Variants in HMCN1 observed in about 807,000 individuals in gnomAD.
HMCN1 encodes the protein hemicentin-1.
Under a neutral mutation model 625.9 loss-of-function variants are expected in HMCN1, and 321 were observed. The ratio of observed to expected loss-of-function variants is 0.51; its 90% CI spans 0.47 to 0.56. The LOEUF (loss-of-function observed/expected upper bound fraction) is 0.56, where lower values mean the gene tolerates loss of function less well. HMCN1 is among the 20% of genes least tolerant of loss of function. HMCN1 has a pLI of 0.00. For synonymous variants in HMCN1, 2,425 were observed against 2,417.6 expected (o/e 1.00, Z -0.09); for missense variants, 6,588 against 6,887.3 (o/e 0.96, Z 1.54).
At chr1:185,974,757 A>G (rs1217067727) in intron 15 of HMCN1, among the ~76,000 whole-genome samples, 1 of 152,036 alleles carries the variant, frequency 6.6e-6, no homozygotes, top group Admixed American at 6.6e-5. Flanking sequence ...TGGTATTCTC[A>G]TTTGCCTTGT....
At chr1:186,124,427 T>C (rs547473518) in intron 81 of HMCN1, among the ~76,000 whole-genome samples, 1 of 151,978 alleles carries the variant, frequency 6.6e-6, no homozygotes, top group Non-Finnish European at 1.5e-5. Context: ...AGAACTGAAT[T>C]AAATATACTA....
chr1:185,804,825 G>T (rs546065732), intron 1 of HMCN1, among the ~76,000 whole-genome samples: 4 of 152,062 alleles, frequency 2.6e-5, no homozygotes, highest in African/African-American at 9.6e-5. Context: ...CTAAATCCCT[G>T]CTCTTTAAAC....
chr1:185,995,816 A>C (rs1471766099), intron 24 of HMCN1, among the ~76,000 whole-genome samples: 2 of 152,144 alleles, frequency 1.3e-5, no homozygotes, highest in Non-Finnish European at 2.9e-5. Context: ...CGGCCACATG[A>C]AAATCAGGGG....
intron 68 of HMCN1, among the ~76,000 whole-genome samples, chr1:186,098,134 T>G (rs1660221248): frequency 6.6e-6 from 1 of 151,982 alleles, no homozygotes; most frequent in Non-Finnish European, 1.5e-5. Flanking sequence ...TTCATGATAT[T>G]GGACTAGGCA....
At chr1:185,756,132 A>G (rs1007279171) in intron 1 of HMCN1, among the ~76,000 whole-genome samples, 3 of 152,206 alleles carry the variant, frequency 2.0e-5, no homozygotes, top group Admixed American at 1.3e-4. Context: ...GATAGTGTGA[A>G]TGGGTTTAGA....
At chr1:186,014,505 T>G (rs1232752550) in intron 30 of HMCN1, among the ~76,000 whole-genome samples, 3 of 151,964 alleles carry the variant, frequency 2.0e-5, no homozygotes, top group Non-Finnish European at 4.4e-5. Flanking sequence ...TGACCATATT[T>G]AGAATTTGCA....
At chr1:186,071,329 C>G (rs1658470244) in intron 52 of HMCN1, among the ~76,000 whole-genome samples, 1 of 152,034 alleles carries the variant, frequency 6.6e-6, no homozygotes, top group African/African-American at 2.4e-5. Context: ...ATGAAGGGCC[C>G]AGTACAGTTA....
chr1:185,903,004 C>T (rs1665902187), intron 4 of HMCN1, among the ~76,000 whole-genome samples: 2 of 151,066 alleles, frequency 1.3e-5, no homozygotes, highest in South Asian at 4.2e-4. Context: ...AAAAAAGATT[C>T]AGTGAGAGAC....
In HMCN1 at chr1:186,087,281, T is replaced by A. The variant is rs139519822; in HGVS notation, c.9111T>A (p.Ala3037=). ...VSDGGEYTCI[A]INQAGESKKK... ...ATGGTGGTGAATACACTTGTATAGC[T>A]ATCAATCAAGCTGGCGAAAGCAAGA... Residue 3037 remains alanine (A), a synonymous_variant, in exon 59 of 107, where the codon GCT becomes GCA. Coordinates refer to ENST00000271588, the MANE Select transcript of HMCN1 (RefSeq NM_031935.3). 1 of 1,613,212 alleles carries A rather than the reference T, an allele frequency of 6.2e-7. No individual in the cohort carries two copies. The highest frequency in any genetic ancestry group is 8.5e-7 in the Non-Finnish European group (1 of 1,179,498).
At chr1:185,880,827 C>A (rs1664259803) in intron 4 of HMCN1, among the ~76,000 whole-genome samples, 1 of 152,104 alleles carries the variant, frequency 6.6e-6, no homozygotes, top group African/African-American at 2.4e-5. Flanking sequence ...TTATAATAAC[C>A]CCCATGTAAA....
intron 30 of HMCN1, among the ~76,000 whole-genome samples, chr1:186,012,855 A>G: frequency 6.6e-6 from 1 of 152,154 alleles, no homozygotes; most frequent in East Asian, 1.9e-4. Flanking sequence ...TGCTTAGTCT[A>G]GTGTTTATTA....
Position 186,144,449 on chromosome 1 carries a change from C to T in HMCN1, c.14096-84C>T, listed in dbSNP as rs926308296. On this transcript the variant is annotated intron_variant, in intron 90 of 106. Transcript: ENST00000271588. The stretch of plus-strand genomic sequence containing the variant: ...CCCATTCTAACTGTGCCCACAAGAA[C>T]ATCTCTCAAACTAACAATGCCCAGA... 4 of 1,607,224 alleles carry T rather than the reference C, an allele frequency of 2.5e-6. No individual in the cohort carries two copies. In the African/African-American group the frequency reaches 4.0e-5, roughly 16 times the overall value.
At chr1:186,090,953 A>G (rs1482484093) in intron 64 of HMCN1, 36 bp downstream of exon 64, 1 of 1,590,220 alleles carries the variant, frequency 6.3e-7, no homozygotes, top group African/African-American at 1.3e-5. Flanking sequence ...TATAAATTGT[A>G]AGCCCTTCTA....
chr1:186,117,908 G>C (rs1221514058), intron 77 of HMCN1, among the ~76,000 whole-genome samples: 1 of 152,078 alleles, frequency 6.6e-6, no homozygotes, highest in Non-Finnish European at 1.5e-5. Context: ...CCAAACCTAA[G>C]GTTTAACAAA....
intron 64 of HMCN1, among the ~76,000 whole-genome samples, chr1:186,092,260 G>GTACT (rs1382123820): frequency 6.6e-6 from 1 of 151,676 alleles, no homozygotes; most frequent in African/African-American, 2.4e-5. Flanking sequence ...CAAAGTCAAT[G>GTACT]TACTACCTTT....
At chr1:186,144,396 T>C in intron 90 of HMCN1, 53 bp downstream of exon 90, 1 of 1,578,954 alleles carries the variant, frequency 6.3e-7, no homozygotes, top group Non-Finnish European at 8.7e-7. Context: ...ACCTATCTTA[T>C]CTAGGTAGTA....
At chr1:185,759,609 T>C (rs138070659) in intron 1 of HMCN1, among the ~76,000 whole-genome samples, 199 of 152,360 alleles carry the variant, frequency 1.3e-3, no homozygotes, top group African/African-American at 4.6e-3. Context: ...TAAATTTAAA[T>C]TCACTAACTT....
chr1:185,968,497 A>T (rs1571634941), intron 14 of HMCN1, among the ~76,000 whole-genome samples: 1 of 149,590 alleles, frequency 6.7e-6, no homozygotes, highest in African/African-American at 2.5e-5. Context: ...TATATATATA[A>T]ATTACAAATA....
chr1:185,836,704 T>C (rs1661192126), intron 1 of HMCN1, among the ~76,000 whole-genome samples: 1 of 152,160 alleles, frequency 6.6e-6, no homozygotes, highest in Non-Finnish European at 1.5e-5. Flanking sequence ...TGGCATGTAG[T>C]GGGTGTACAG....
Sources: gnomAD v4.1 joint callset for allele counts (sites outside exome capture counted in the v4.1 genomes callset) on GRCh38, gnomAD v4.1.1 for gene constraint, MANE v1.5 for transcripts, NCBI Gene and HGNC (gene_info 2026-07-23, HGNC 2026-07-21) for gene names.